VPS45: variants seen among roughly 807,000 people sequenced by gnomAD.
VPS45 encodes vacuolar protein sorting 45 homolog.
VPS45 carries 35 observed loss-of-function variants against 75.9 expected under a neutral mutation model. The observed-to-expected ratio is 0.46, with a 90% CI of 0.35 to 0.61. VPS45 has a LOEUF of 0.61. VPS45 is among the 20% of genes least tolerant of loss of function. The probability of loss-of-function intolerance (pLI) is 0.00; values close to 1 mark genes in which losing one functional copy is unlikely to be tolerated. For missense variants in VPS45, 559 were observed against 685.9 expected, an observed-to-expected ratio of 0.81 and a Z score of 2.07; for synonymous variants, 220 against 238.2, an observed-to-expected ratio of 0.92 and a Z score of 0.70.
intron 3 of VPS45, among the ~76,000 whole-genome samples, chr1:150,072,834 A>G (rs1553797344): frequency 6.6e-6 from 1 of 152,120 alleles, no homozygotes; most frequent in African/African-American, 2.4e-5. Context: ...AAAAAAAAAA[A>G]GTATATACTT....
chr1:150,103,183 A>G (rs1290192346), intron 13 of VPS45, among the ~76,000 whole-genome samples: 11 of 152,036 alleles, frequency 7.2e-5, no homozygotes, highest in Admixed American at 2.6e-4. Flanking sequence ...TTTGGTTGCT[A>G]TGGTGAATTA....
chr1:150,124,552 C>CTTTTTTTT (rs1415553849), intron 14 of VPS45, among the ~76,000 whole-genome samples: 1 of 140,238 alleles, frequency 7.1e-6, no homozygotes, highest in African/African-American at 2.6e-5. Context: ...TTTCTTTTTT[C>CTTTTTTTT]TTTTTTTTTT....
intron 13 of VPS45, among the ~76,000 whole-genome samples, chr1:150,097,458 GC>G (rs1656729769): frequency 6.7e-6 from 1 of 149,814 alleles, no homozygotes; most frequent in South Asian, 2.3e-4. Flanking sequence ...AGTGGTTTAT[GC>G]CTATAATCCC....
At chr1:150,091,630 A>G (rs1656330196) in intron 10 of VPS45, among the ~76,000 whole-genome samples, 1 of 152,246 alleles carries the variant, frequency 6.6e-6, no homozygotes, top group Non-Finnish European at 1.5e-5. Flanking sequence ...CAAGTCGTGG[A>G]AATAGTAAGT....
At chr1:150,142,989 G>T (rs1412396144) in intron 14 of VPS45, 8 of 334,770 alleles carry the variant, frequency 2.4e-5, no homozygotes, top group Admixed American at 1.8e-4. Flanking sequence ...AGGCTGTCTT[G>T]CCAATGGGTA....
chr1:150,115,217 A>G (rs1172476680), intron 14 of VPS45, among the ~76,000 whole-genome samples: 2 of 152,050 alleles, frequency 1.3e-5, no homozygotes, highest in African/African-American at 2.4e-5. Flanking sequence ...TCTCTCATTT[A>G]TGTTATCCAT....
At chr1:150,079,197 A>G (rs957870417) in intron 7 of VPS45, among the ~76,000 whole-genome samples, 12 of 151,778 alleles carry the variant, frequency 7.9e-5, no homozygotes, top group Non-Finnish European at 1.6e-4. Context: ...TCAGTCAGAT[A>G]TTGTTCTTAT....
chr1:150,142,810 A>G (rs1553815606), intron 14 of VPS45: 1 of 446,468 alleles, frequency 2.2e-6, no homozygotes, highest in South Asian at 1.6e-5. Context: ...GACTACAGGC[A>G]CCTGTCTAAT....
At chr1:150,137,400 C>G (rs1412231329) in intron 14 of VPS45, among the ~76,000 whole-genome samples, 1 of 152,190 alleles carries the variant, frequency 6.6e-6, no homozygotes, top group African/African-American at 2.4e-5. Flanking sequence ...AAGATGTGCA[C>G]TAACTAGTAA....
At chr1:150,078,875 C>A (rs190217023) in intron 7 of VPS45, among the ~76,000 whole-genome samples, 1 of 151,940 alleles carries the variant, frequency 6.6e-6, no homozygotes, top group Non-Finnish European at 1.5e-5. Flanking sequence ...TTTGGGAGGT[C>A]GAGGTGGGTA....
At chr1:150,116,793 C>T (rs1553808411) in intron 14 of VPS45, among the ~76,000 whole-genome samples, 2 of 152,142 alleles carry the variant, frequency 1.3e-5, no homozygotes, top group African/African-American at 4.8e-5. Context: ...TAAGTGATTC[C>T]TCTGAGAGTT....
Position 150,067,919 on chromosome 1 carries a change from G to A in VPS45, c.62G>A (p.Gly21Asp), listed in dbSNP as rs1553796186. Reference protein sequence around the residue: ...ISKMIEDSGPGMKVLLMDKET... With the variant: ...ISKMIEDSGPDMKVLLMDKET... ...AAAATGATAGAGGACAGCGGGCCTG[G>A]TATGAAAGTACTTCTCATGGATAAA... The change falls in exon 1 of 15, where the codon GGT becomes GAT. Residue 21 changes from glycine (G) to aspartate (D), a missense_variant. Transcript: ENST00000644510. 1.2e-6 allele frequency: 2 copies of A among 1,614,216 alleles called. No homozygotes were observed. The highest frequency in any genetic ancestry group is 1.7e-6 in the Non-Finnish European group (2 of 1,180,034).
chr1:150,089,156 A>T (rs782338511), intron 10 of VPS45, among the ~76,000 whole-genome samples: 28 of 152,196 alleles, frequency 1.8e-4, no homozygotes, highest in Non-Finnish European at 4.0e-4. Context: ...TACTGCAAAT[A>T]GTCTTTGACT....
chr1:150,136,585 G>A (rs1457974535), intron 14 of VPS45, among the ~76,000 whole-genome samples: 1 of 151,822 alleles, frequency 6.6e-6, no homozygotes, highest in Non-Finnish European at 1.5e-5. Flanking sequence ...ATTGAAAAGT[G>A]TTCATGTACA....
At chr1:150,141,506 G>A (rs1553815270) in intron 14 of VPS45, among the ~76,000 whole-genome samples, 1 of 152,084 alleles carries the variant, frequency 6.6e-6, no homozygotes, top group Non-Finnish European at 1.5e-5. Context: ...TATAAACATT[G>A]GTCTCTAGTC....
intron 14 of VPS45, among the ~76,000 whole-genome samples, chr1:150,132,032 C>T (rs11205332): frequency 7.9e-5 from 12 of 152,104 alleles, no homozygotes; most frequent in African/African-American, 2.4e-4. Context: ...TATCTAGTTT[C>T]AAAGCAGCCT....
At position 150,091,989 on chromosome 1, in the gene VPS45, G is replaced by A. The variant is rs781997687; in HGVS notation, c.1157G>A (p.Arg386His). Residue 386 changes from arginine to histidine, a missense_variant, in exon 11 of 15, where the codon CGC becomes CAC. Transcript: ENST00000644510. Reference protein sequence around the residue: ...NPKVTEFDAARLVMLYALHYE... With the variant: ...NPKVTEFDAAHLVMLYALHYE... ...AAAGTGACAGAGTTTGATGCTGCCC[G>A]CCTGGTGATGCTTTATGCTTTACAT... 17 of 1,613,996 alleles carry A rather than the reference G, an allele frequency of 1.1e-5. No individual in the cohort carries two copies. Among genetic ancestry groups the A allele is most frequent in the Admixed American group, 8.3e-5 (5 of 60,012 alleles).
At chr1:150,119,127 A>C (rs1658098311) in intron 14 of VPS45, among the ~76,000 whole-genome samples, 1 of 152,206 alleles carries the variant, frequency 6.6e-6, no homozygotes, top group Non-Finnish European at 1.5e-5. Flanking sequence ...GTGAAGGCTT[A>C]AGTAACTGAA....
At chr1:150,103,841 CA>C (rs781969586) in intron 13 of VPS45, among the ~76,000 whole-genome samples, 5 of 152,192 alleles carry the variant, frequency 3.3e-5, no homozygotes, top group African/African-American at 7.2e-5. Context: ...AAGCTCAAAA[CA>C]AAGGTGTTAA....
Sources: allele counts gnomAD v4.1 joint callset (sites outside exome capture counted in the v4.1 genomes callset), GRCh38; gene constraint gnomAD v4.1.1; transcripts MANE v1.5; gene names NCBI Gene and HGNC (gene_info 2026-07-23, HGNC 2026-07-21).